Variants in FER observed in about 807,000 individuals in gnomAD.
The protein encoded by FER is tyrosine-protein kinase Fer.
In FER, 63 loss-of-function variants were observed where a neutral mutation model predicts 111.0. That is an observed-to-expected ratio of 0.57 (90% CI 0.46 to 0.70). The LOEUF is 0.70. Among genes scored for constraint, FER ranks in the 30% least tolerant of loss-of-function variants. The pLI is 0.00. For missense variants in FER, 914 were observed against 954.0 expected (o/e 0.96, Z 0.55); for synonymous variants, 327 against 313.9 (o/e 1.04, Z -0.44).
chr5:109,087,868 G>C lies in FER; in HGVS notation c.1925-12528G>C, dbSNP rs1407997472. ...GATGTTCATGATTTTACAGAATATA[G>C]TAATTATTACCTGAATTTCTGTCCC... On this transcript the variant is annotated intron_variant, in intron 16 of 19. Transcript: ENST00000281092. Among the ~76,000 whole-genome samples the C allele has an allele frequency of 4.0e-5, 6 of 151,834 alleles. No individual in the cohort carries two copies. The East Asian group carries it at 1.2e-3, about 29-fold the overall frequency.
chr5:108,830,460 A>G (rs1759922760), intron 3 of FER, among the ~76,000 whole-genome samples: 1 of 152,210 alleles, frequency 6.6e-6, no homozygotes. Flanking sequence ...TCTCAACACA[A>G]AAGAAAGGAG....
Position 109,195,877 on chromosome 5 carries a change from A to G in FER, c.*8302A>G, listed in dbSNP as rs1291899431. 6.6e-6 allele frequency: 1 copy of G among 152,220 alleles called. No homozygotes were observed. Among genetic ancestry groups the G allele is most frequent in the African/African-American group, 2.4e-5 (1 of 41,458 alleles). 9.4% of individuals were successfully genotyped at this position (152,220 alleles called of 1,614,324 possible). ...ATTAAGTTAGATGGCCCAATTGAGC[A>G]TCTGAATGAATATAGTGGGGGTTGG... On this transcript the variant is annotated 3_prime_UTR_variant, in exon 20 of 20. Coordinates refer to ENST00000281092, the MANE Select transcript of FER (RefSeq NM_005246.4).
chr5:109,175,447 T>C (rs1220211061), intron 17 of FER, among the ~76,000 whole-genome samples: 1 of 152,046 alleles, frequency 6.6e-6, no homozygotes, highest in African/African-American at 2.4e-5. Context: ...TTTTACCATA[T>C]ATAAAAAAGG....
At chr5:109,002,711 A>G (rs4489107) in intron 13 of FER, among the ~76,000 whole-genome samples, 11,503 of 152,126 alleles carry the variant, frequency 0.076, 1,111 homozygotes, top group African/African-American at 0.22. Flanking sequence ...GAAAATTTTC[A>G]CAACCTACTC....
intron 16 of FER, chr5:109,051,404 G>A (rs899494168): frequency 3.1e-6 from 5 of 1,612,392 alleles, no homozygotes; most frequent in African/African-American, 1.3e-5. Context: ...AGTGGCTGTA[G>A]TTCATGTCCA....
chr5:109,119,440 A>G (rs1312881437), intron 17 of FER, among the ~76,000 whole-genome samples: 5 of 152,160 alleles, frequency 3.3e-5, no homozygotes, highest in East Asian at 1.9e-4. Context: ...TATGTGGTCA[A>G]TTTTGGAATA....
rs11320343 is a variant in FER, at chr5:109,088,084, CT to C, written c.1925-12310del. On this transcript the variant is annotated intron_variant, in intron 16 of 19. Transcript: ENST00000281092. ...AGTAAATCTTTCTTTATTAATATTT[CT>C]TCAGTTTTATACACACAGGAGTATT... Among the ~76,000 whole-genome samples the C allele has an allele frequency of 7.0e-3, 1,064 of 151,946 alleles. 16 individuals carry two copies. Among genetic ancestry groups the C allele is most frequent in the African/African-American group, 0.025 (1,020 of 41,496 alleles).
At chr5:108,756,156 CAAA>C (rs11341627) in intron 1 of FER, among the ~76,000 whole-genome samples, 1,309 of 121,662 alleles carry the variant, frequency 0.011, 24 homozygotes, top group African/African-American at 0.036. Flanking sequence ...AACTCCATCT[CAAA>C]AAAAAAAAAA....
At chr5:109,027,349 A>G (rs1339831684) in intron 13 of FER, among the ~76,000 whole-genome samples, 1 of 152,148 alleles carries the variant, frequency 6.6e-6, no homozygotes, top group Non-Finnish European at 1.5e-5. Context: ...TTTAAAAATG[A>G]AAATGTTGAA....
intron 10 of FER, among the ~76,000 whole-genome samples, chr5:108,942,841 C>T (rs1561654349): frequency 6.6e-6 from 1 of 151,910 alleles, no homozygotes. Context: ...GAATTTTATG[C>T]CTGCTTTGCA....
intron 13 of FER, among the ~76,000 whole-genome samples, chr5:108,979,615 A>G (rs1761793420): frequency 6.6e-6 from 1 of 152,170 alleles, no homozygotes; most frequent in Admixed American, 6.5e-5. Flanking sequence ...TAAATGTGGC[A>G]TAAGATCATT....
intron 5 of FER, among the ~76,000 whole-genome samples, chr5:108,862,752 G>A (rs1388527960): frequency 6.6e-6 from 1 of 151,910 alleles, no homozygotes; most frequent in African/African-American, 2.4e-5. Context: ...CTGGTTAATT[G>A]TACCTGACCT....
At chr5:109,000,362 G>T (rs961405713) in intron 13 of FER, among the ~76,000 whole-genome samples, 3 of 151,660 alleles carry the variant, frequency 2.0e-5, no homozygotes, top group African/African-American at 7.3e-5. Context: ...AAAAAAAAAT[G>T]AGTAAAGAAA....
rs758001411 is a variant in FER at position 109,191,332 on chromosome 5, A to G, written c.*3757A>G. ...ATACTGTGTACACTGTTTAATGGCC[A>G]TGCATCTTTTGAAGTTTGATATTTT... On this transcript the variant is annotated 3_prime_UTR_variant, in exon 20 of 20. Coordinates refer to ENST00000281092, the MANE Select transcript of FER (RefSeq NM_005246.4). 1 of 152,118 alleles carries G rather than the reference A, an allele frequency of 6.6e-6. No homozygotes were observed. Among genetic ancestry groups the G allele is most frequent in the Non-Finnish European group, 1.5e-5 (1 of 68,024 alleles). The allele number at this position is 152,118 out of a possible 1,614,324, so 9.4% of individuals were successfully genotyped here.
At chr5:108,923,463 G>T (rs1038827369) in intron 10 of FER, among the ~76,000 whole-genome samples, 3 of 152,048 alleles carry the variant, frequency 2.0e-5, no homozygotes, top group Admixed American at 6.6e-5. Context: ...TGACTCTCTT[G>T]CTCTTTTCTA....
intron 5 of FER, among the ~76,000 whole-genome samples, chr5:108,852,735 T>A (rs1762650041): frequency 6.6e-6 from 1 of 152,150 alleles, no homozygotes; most frequent in African/African-American, 2.4e-5. Flanking sequence ...ACTTATGGAA[T>A]GAATGCTTTT....
In FER at chr5:108,897,704, A is replaced by T. The variant is rs776696582; in HGVS notation, c.1092A>T (p.Lys364Asn). ...LSQKQALEELKQSVQQLRCTE... is the reference protein window; with the variant it reads ...LSQKQALEELNQSVQQLRCTE... The stretch of plus-strand genomic sequence containing the variant: ...AAAAACAGGCACTTGAAGAACTGAA[A>T]CAGTCAGTCCAGCAGCTGAGATGCA... Residue 364 changes from lysine (K) to asparagine (N), a missense_variant, in exon 10 of 20, where the codon AAA (lysine) becomes AAT (asparagine). This residue lies in a region of FER where 774 missense variants were observed against 782.6 expected (regional missense o/e 0.99). Coordinates refer to ENST00000281092, the MANE Select transcript of FER (RefSeq NM_005246.4). 6.2e-7 allele frequency: 1 copy of T among 1,610,266 alleles called. No individual in the cohort carries two copies. Among genetic ancestry groups the T allele is most frequent in the South Asian group, 1.1e-5 (1 of 90,098 alleles).
chr5:109,072,481 G>C (rs574076858), intron 16 of FER, among the ~76,000 whole-genome samples: 1 of 151,556 alleles, frequency 6.6e-6, no homozygotes, highest in Non-Finnish European at 1.5e-5. Context: ...CAGATTGTGC[G>C]GTATTTTCTG....
At chr5:108,876,686 T>C (rs999337643) in intron 8 of FER, among the ~76,000 whole-genome samples, 2 of 152,244 alleles carry the variant, frequency 1.3e-5, no homozygotes, top group Non-Finnish European at 2.9e-5. Context: ...TAAAATCTTA[T>C]GGTCATGGAT....
Sources: gnomAD v4.1 joint callset for allele counts (sites outside exome capture counted in the v4.1 genomes callset) on GRCh38, gnomAD v4.1.1 for gene constraint, gnomAD v4.1.1 regional missense constraint, MANE v1.5 for transcripts, NCBI Gene and HGNC (gene_info 2026-07-23, HGNC 2026-07-21) for gene names.